The following TACC1 variants were observed in gnomAD, a reference collection of about 807,000 sequenced individuals.
TACC1 encodes transforming acidic coiled-coil-containing protein 1.
A neutral mutation model predicts 84.4 loss-of-function variants in TACC1; 48 were observed. That is an observed-to-expected ratio of 0.57 (90% CI 0.45 to 0.72). The LOEUF is 0.72. Ranked by LOEUF, TACC1 falls within the 30% of genes least tolerant of loss-of-function variation. The probability of loss-of-function intolerance (pLI) is 0.00; values close to 1 mark genes in which losing one functional copy is unlikely to be tolerated. For missense variants in TACC1, 920 were observed against 973.0 expected (o/e 0.95, Z 0.72); for synonymous variants, 372 against 376.3 (o/e 0.99, Z 0.13).
At chr8:38,801,721 G>A (rs1445790100) in intron 2 of TACC1, among the ~76,000 whole-genome samples, 1 of 152,100 alleles carries the variant, frequency 6.6e-6, no homozygotes, top group Admixed American at 6.5e-5. Context: ...ATTTCTATAT[G>A]AATTTTAGAA....
chr8:38,775,165 A>G (rs2151913147), intron 3 of TACC1, among the ~76,000 whole-genome samples: 1 of 152,314 alleles, frequency 6.6e-6, no homozygotes. Flanking sequence ...CCAAGTGGGC[A>G]TATCTTTTGG....
intron 1 of TACC1, among the ~76,000 whole-genome samples, chr8:38,740,959 G>A (rs1806944436): frequency 6.6e-6 from 1 of 152,040 alleles, no homozygotes; most frequent in African/African-American, 2.4e-5. Flanking sequence ...AGCTCTCTCT[G>A]GCTCGCGAGT....
intron 7 of TACC1, among the ~76,000 whole-genome samples, chr8:38,837,920 C>G (rs1348717667): frequency 6.6e-6 from 1 of 152,214 alleles, no homozygotes; most frequent in Non-Finnish European, 1.5e-5. Context: ...AAGACTCTAC[C>G]CATAAGTGAC....
At chr8:38,745,356 C>T in exon 3 of TACC1, 1 of 561,922 alleles carries the variant, frequency 1.8e-6, no homozygotes. Flanking sequence ...GGAATCTTCA[C>T]AACCTAGCAT....
chr8:38,787,666 C>T lies in TACC1; in HGVS notation c.84C>T (p.Gly28=), dbSNP rs755927569. Residue 28 remains glycine, a synonymous_variant, in exon 1 of 13, where the codon GGC becomes GGT. Coordinates refer to ENST00000317827, the MANE Select transcript of TACC1 (RefSeq NM_006283.3). ...TWSAVRGGAA[G]EDEAGGPEGD... is the part of the protein sequence containing the mutation. ...CTGCGGTACGCGGCGGGGCCGCCGG[C>T]GAGGACGAGGCTGGCGGGCCCGAGG... is the stretch of plus-strand genomic sequence containing the variant. The T allele has an allele frequency of 5.2e-6, 8 of 1,549,426 alleles. No individual in the cohort carries two copies. The highest frequency in any genetic ancestry group is 5.2e-6 in the Non-Finnish European group (6 of 1,149,814).
chr8:38,772,439 C>T (rs1217973271), intron 3 of TACC1, among the ~76,000 whole-genome samples: 1 of 152,236 alleles, frequency 6.6e-6, no homozygotes, highest in Non-Finnish European at 1.5e-5. Flanking sequence ...ATCACGGTTT[C>T]ATTTATAATG....
chr8:38,749,284 A>G (rs908274354), intron 3 of TACC1, among the ~76,000 whole-genome samples: 14 of 151,992 alleles, frequency 9.2e-5, no homozygotes, highest in Non-Finnish European at 2.1e-4. Flanking sequence ...GTAATTAAAA[A>G]CTTACTGAGA....
At chr8:38,741,111 G>C (rs972744966) in intron 1 of TACC1, among the ~76,000 whole-genome samples, 40 of 151,404 alleles carry the variant, frequency 2.6e-4, no homozygotes, top group Admixed American at 2.4e-3. Flanking sequence ...TGTAGACCTT[G>C]ATTGTTTTGC....
chr8:38,769,728 G>A (rs1230548768), intron 3 of TACC1, among the ~76,000 whole-genome samples: 6 of 132,998 alleles, frequency 4.5e-5, no homozygotes, highest in Admixed American at 1.5e-4. Context: ...TGTGAGACTG[G>A]GTATGGGTGA....
intron 2 of TACC1, chr8:38,743,908 ATTCTGGGTG>A (rs1165975441): frequency 6.6e-5 from 10 of 152,290 alleles, no homozygotes; most frequent in African/African-American, 2.4e-4. Flanking sequence ...ACAAAAAAGA[ATTCTGGGTG>A]GGCAAGATAG....
chr8:38,768,660 AGTGT>A (rs80115733), intron 3 of TACC1, among the ~76,000 whole-genome samples: 1 of 150,404 alleles, frequency 6.6e-6, no homozygotes, highest in Non-Finnish European at 1.5e-5. Context: ...GTGCTTGAGG[AGTGT>A]GTGTGTGTGT....
chr8:38,730,931 T>A (rs190426552), intron 1 of TACC1, among the ~76,000 whole-genome samples: 1 of 152,130 alleles, frequency 6.6e-6, no homozygotes, highest in African/African-American at 2.4e-5. Flanking sequence ...TTGTTTGTTT[T>A]ATTTTTTAGA....
chr8:38,745,205 A>C (rs1358577528), exon 3 of TACC1: 1 of 368,208 alleles, frequency 2.7e-6, no homozygotes, highest in Non-Finnish European at 4.9e-6. Context: ...ATACACTCAA[A>C]GCAGCTCAGC....
intron 2 of TACC1, among the ~76,000 whole-genome samples, chr8:38,796,702 CAA>C (rs1820070633): frequency 6.6e-6 from 1 of 152,180 alleles, no homozygotes; most frequent in African/African-American, 2.4e-5. Context: ...AAGGAGTAGA[CAA>C]ATTCAGTACT....
At chr8:38,789,183 C>G (rs1246066534) in intron 2 of TACC1, among the ~76,000 whole-genome samples, 1 of 152,198 alleles carries the variant, frequency 6.6e-6, no homozygotes, top group African/African-American at 2.4e-5. Flanking sequence ...ACAAAAATTA[C>G]AGGTAAGACT....
At chr8:38,794,097 G>T (rs1409188831) in intron 2 of TACC1, among the ~76,000 whole-genome samples, 20 of 152,112 alleles carry the variant, frequency 1.3e-4, no homozygotes, top group Admixed American at 1.3e-3. Context: ...CTGGCTATTT[G>T]TCATATTTGC....
intron 4 of TACC1, 82 bp from the exon 5 acceptor site, chr8:38,827,086 A>G (rs947857977): frequency 2.5e-6 from 3 of 1,216,240 alleles, no homozygotes; most frequent in Non-Finnish European, 3.6e-6. Context: ...AGTTGTGTCT[A>G]CTTTGTTCCA....
chr8:38,779,128 C>T (rs970531744), intron 3 of TACC1, among the ~76,000 whole-genome samples: 2 of 152,016 alleles, frequency 1.3e-5, no homozygotes, highest in Middle Eastern at 3.2e-3. Context: ...GCGAACACCA[C>T]CACGCCTGGC....
upstream of TACC1, among the ~76,000 whole-genome samples, chr8:38,783,106 C>CTATATATATA (rs72048692): frequency 4.6e-5 from 4 of 87,422 alleles, no homozygotes; most frequent in Admixed American, 1.2e-4. Context: ...ATCTATCTAT[C>CTATATATATA]TATATATATA....
Sources: allele counts gnomAD v4.1 joint callset (sites outside exome capture counted in the v4.1 genomes callset), GRCh38; gene constraint gnomAD v4.1.1; transcripts MANE v1.5; gene names NCBI Gene and HGNC (gene_info 2026-07-23, HGNC 2026-07-21).